GNAQ: variants seen among roughly 807,000 people sequenced by gnomAD.
The protein encoded by GNAQ is G protein subunit alpha q, also known as guanine nucleotide-binding protein G(q) subunit alpha.
Under a neutral mutation model 43.9 loss-of-function variants are expected in GNAQ, and 8 were observed. That is an observed-to-expected ratio of 0.18 (90% CI 0.11 to 0.33). The LOEUF is 0.33. GNAQ is among the 10% of genes least tolerant of loss of function. GNAQ has a pLI of 1.00. For synonymous variants in GNAQ, 155 were observed against 170.7 expected (o/e 0.91, Z 0.71); for missense variants, 158 against 450.8 (o/e 0.35, Z 5.88).
chr9:77,934,422 GT>G (rs200212557), intron 1 of GNAQ, among the ~76,000 whole-genome samples: 16 of 148,566 alleles, frequency 1.1e-4, no homozygotes, highest in South Asian at 6.4e-4. Context: ...AATATGTCAA[GT>G]TTTTTTTTTG....
intron 3 of GNAQ, among the ~76,000 whole-genome samples, chr9:77,808,532 T>C (rs1000496014): frequency 6.6e-6 from 1 of 151,946 alleles, no homozygotes; most frequent in Non-Finnish European, 1.5e-5. Flanking sequence ...TGGTTAAAGA[T>C]AGCATTTTTA....
chr9:78,004,354 A>G (rs1272236329), intron 1 of GNAQ, among the ~76,000 whole-genome samples: 1 of 151,870 alleles, frequency 6.6e-6, no homozygotes, highest in Non-Finnish European at 1.5e-5. Flanking sequence ...TTACAGCATC[A>G]CCATTCTCCG....
chr9:78,025,059 T>C (rs187487200), intron 1 of GNAQ, among the ~76,000 whole-genome samples: 58 of 152,332 alleles, frequency 3.8e-4, no homozygotes, highest in African/African-American at 1.3e-3. Flanking sequence ...TTCTCGGCAC[T>C]GCAACATGGA....
intron 2 of GNAQ, among the ~76,000 whole-genome samples, chr9:77,897,515 C>CT (rs1383831854): frequency 6.6e-6 from 1 of 152,194 alleles, no homozygotes; most frequent in East Asian, 1.9e-4. Context: ...ATGGTCTCTG[C>CT]TTTCATAGGA....
rs61736823 is a variant in GNAQ at position 77,721,386 on chromosome 9, A to G, written c.1017T>C (p.Phe339=). The G allele has an allele frequency of 1.6e-4, 254 of 1,613,466 alleles. No homozygotes were observed. The Middle Eastern group carries it at 2.0e-3, about 13-fold the overall frequency. The change falls in exon 7 of 7, where the codon TTT becomes TTC. Residue 339 remains phenylalanine, a synonymous_variant. Coordinates refer to ENST00000286548, the MANE Select transcript of GNAQ (RefSeq NM_002072.5). ...TCATDTENIR[F]VFAAVKDTIL... is the part of the protein sequence containing the mutation. Reference sequence around the variant, plus strand: ...TGGTGTCCTTGACGGCAGCAAAGACAAAGCGGATATTCTCGGTGTCTGTGG... The same window carrying G: ...TGGTGTCCTTGACGGCAGCAAAGACGAAGCGGATATTCTCGGTGTCTGTGG...
At chr9:77,975,450 G>A (rs867803220) in intron 1 of GNAQ, among the ~76,000 whole-genome samples, 30 of 151,460 alleles carry the variant, frequency 2.0e-4, no homozygotes, top group African/African-American at 7.3e-4. Context: ...TAAGGAAACA[G>A]GTTTAGAAAA....
At chr9:77,769,237 C>T (rs542540974) in intron 5 of GNAQ, among the ~76,000 whole-genome samples, 4 of 152,084 alleles carry the variant, frequency 2.6e-5, no homozygotes, top group African/African-American at 7.2e-5. Flanking sequence ...CCCATCTCTA[C>T]CAAAACATAA....
chr9:78,004,639 T>G (rs1194609565), intron 1 of GNAQ, among the ~76,000 whole-genome samples: 2 of 152,100 alleles, frequency 1.3e-5, no homozygotes, highest in African/African-American at 2.4e-5. Flanking sequence ...CTTCTCCACT[T>G]GCATACCAAT....
At chr9:77,764,927 C>T (rs1279341781) in intron 5 of GNAQ, among the ~76,000 whole-genome samples, 1 of 152,134 alleles carries the variant, frequency 6.6e-6, no homozygotes, top group Non-Finnish European at 1.5e-5. Context: ...AGGTTGAAAC[C>T]AACAGACTCT....
At chr9:78,028,299 TAA>T (rs1015032026) in intron 1 of GNAQ, among the ~76,000 whole-genome samples, 6 of 152,078 alleles carry the variant, frequency 3.9e-5, no homozygotes, top group African/African-American at 1.4e-4. Flanking sequence ...TTCACGTTTC[TAA>T]AGTTAAAATA....
At chr9:77,966,371 A>G (rs780326100) in intron 1 of GNAQ, among the ~76,000 whole-genome samples, 4 of 152,240 alleles carry the variant, frequency 2.6e-5, no homozygotes, top group Admixed American at 1.3e-4. Flanking sequence ...ACAACAAACT[A>G]TAAGAGACAA....
intron 1 of GNAQ, among the ~76,000 whole-genome samples, chr9:78,000,235 T>G (rs1823627052): frequency 6.6e-6 from 1 of 152,148 alleles, no homozygotes; most frequent in Admixed American, 6.5e-5. Context: ...AAATCAAATG[T>G]AGAGCGGTGA....
At chr9:78,024,664 A>T (rs1823955142) in intron 1 of GNAQ, among the ~76,000 whole-genome samples, 1 of 152,232 alleles carries the variant, frequency 6.6e-6, no homozygotes, top group African/African-American at 2.4e-5. Flanking sequence ...GCATGTCAGT[A>T]CGAGGACATC....
chr9:77,901,247 G>A (rs1564145686), intron 2 of GNAQ, among the ~76,000 whole-genome samples: 1 of 152,152 alleles, frequency 6.6e-6, no homozygotes, highest in East Asian at 1.9e-4. Context: ...CTGCCCAAGG[G>A]CTCTTGGGCA....
At chr9:77,854,784 A>C (rs1827725574) in intron 2 of GNAQ, among the ~76,000 whole-genome samples, 1 of 152,230 alleles carries the variant, frequency 6.6e-6, no homozygotes, top group Non-Finnish European at 1.5e-5. Flanking sequence ...TATAATTTAT[A>C]GGTTGGCATG....
chr9:77,766,915 T>G (rs919569514), intron 5 of GNAQ, among the ~76,000 whole-genome samples: 10 of 152,066 alleles, frequency 6.6e-5, no homozygotes, highest in African/African-American at 2.4e-4. Flanking sequence ...TTAATTAACT[T>G]TAGGTTTTAA....
intron 1 of GNAQ, among the ~76,000 whole-genome samples, chr9:77,991,321 T>C (rs181431515): frequency 2.0e-5 from 3 of 152,308 alleles, no homozygotes; most frequent in Admixed American, 6.5e-5. Context: ...TTCTTCACCT[T>C]AGCATACAGA....
chr9:77,974,289 G>A (rs1173028541), intron 1 of GNAQ, among the ~76,000 whole-genome samples: 3 of 152,130 alleles, frequency 2.0e-5, no homozygotes, highest in Non-Finnish European at 4.4e-5. Context: ...CCACAGCCAT[G>A]AGCTAATGAG....
At chr9:77,926,049 T>C (rs1437578139) in intron 1 of GNAQ, among the ~76,000 whole-genome samples, 1 of 152,198 alleles carries the variant, frequency 6.6e-6, no homozygotes, top group East Asian at 1.9e-4. Flanking sequence ...TTCTATCCAA[T>C]GTTGGTTGAA....
Sources: gnomAD v4.1 joint callset for allele counts (sites outside exome capture counted in the v4.1 genomes callset) on GRCh38, gnomAD v4.1.1 for gene constraint, MANE v1.5 for transcripts, NCBI Gene and HGNC (gene_info 2026-07-23, HGNC 2026-07-21) for gene names.